The following KMT2C variants were observed in gnomAD, a reference collection of about 807,000 sequenced individuals.
KMT2C encodes the protein lysine methyltransferase 2C.
Under a neutral mutation model 507.9 loss-of-function variants are expected in KMT2C, and 88 were observed. The observed-to-expected ratio is 0.17, with a 90% CI of 0.15 to 0.21. The LOEUF (loss-of-function observed/expected upper bound fraction) is 0.21, where lower values mean the gene tolerates loss of function less well. KMT2C is among the 10% of genes least tolerant of loss of function. The pLI, the probability that KMT2C is intolerant of heterozygous loss-of-function variation, is 1.00. For missense variants in KMT2C, 4,954 were observed against 5,957.8 expected (o/e 0.83, Z 5.55); for synonymous variants, 2,049 against 2,080.8 (o/e 0.98, Z 0.42).
Position 152,288,342 on chromosome 7 carries a change from T to C in KMT2C, c.850-14475A>G, listed in dbSNP as rs552373086. ...TGAGGTGAGGAGTTCAAGACCAGCC[T>C]GGCCAACATGGCAAAACCCTGTCTC... On this transcript the variant is annotated intron_variant, in intron 6 of 58. Coordinates refer to ENST00000262189, the MANE Select transcript of KMT2C (RefSeq NM_170606.3). Among the ~76,000 whole-genome samples, 3 of 151,434 alleles carry C rather than the reference T, an allele frequency of 2.0e-5. No homozygotes were observed. In the South Asian group the frequency reaches 6.3e-4, roughly 32 times the overall value.
intron 3 of KMT2C, 50 bp downstream of exon 3, chr7:152,330,551 T>C (rs2096873109): frequency 6.4e-7 from 1 of 1,561,672 alleles, no homozygotes; most frequent in African/African-American, 1.4e-5. Flanking sequence ...GTCATTTCAC[T>C]GCTTTATTCC....
chr7:152,318,762 T>C (rs1159494414), intron 3 of KMT2C, among the ~76,000 whole-genome samples: 1 of 151,886 alleles, frequency 6.6e-6, no homozygotes, highest in Non-Finnish European at 1.5e-5. Flanking sequence ...AAAAGGAAGT[T>C]TGAGTGGCAA....
Position 152,181,786 on chromosome 7 carries a change from G to A in KMT2C, c.6074C>T (p.Ser2025Leu), listed in dbSNP as rs1483929906. Residue 2025 changes from serine to leucine, a missense_variant, in exon 36 of 59, where the codon TCA becomes TTA. Ser to Leu is a moderately radical substitution (Grantham distance 145). This residue lies in a region of KMT2C where 1,689 missense variants were observed against 1,654.3 expected (regional missense o/e 1.02). Coordinates refer to ENST00000262189, the MANE Select transcript of KMT2C (RefSeq NM_170606.3). The part of the protein sequence containing the change: ...DVFQRQRIPD[S>L]YARPLLTPAP... ...AGGTGTCAACAAGGGTCGTGCATAT[G>A]AGTCAGGTATCCTTTGTCTTTGAAA... 1.2e-6 allele frequency: 2 copies of A among 1,614,148 alleles called. No individual in the cohort carries two copies. Among genetic ancestry groups the A allele is most frequent in the South Asian group, 2.2e-5 (2 of 91,068 alleles).
chr7:152,421,752 G>C (rs2097778467), intron 1 of KMT2C, among the ~76,000 whole-genome samples: 1 of 152,162 alleles, frequency 6.6e-6, no homozygotes, highest in Non-Finnish European at 1.5e-5. Flanking sequence ...AGGCTGGGAG[G>C]AAGTTGAGGA....
intron 1 of KMT2C, among the ~76,000 whole-genome samples, chr7:152,384,910 G>A (rs2116498341): frequency 6.6e-6 from 1 of 152,402 alleles, no homozygotes; most frequent in African/African-American, 2.4e-5. Context: ...AAATGAAGGA[G>A]TAACACAACT....
At chr7:152,232,246 GACT>G (rs750203106) in intron 16 of KMT2C, among the ~76,000 whole-genome samples, 2 of 152,178 alleles carry the variant, frequency 1.3e-5, no homozygotes, top group Non-Finnish European at 2.9e-5. Flanking sequence ...GAACCCTAAT[GACT>G]ACAAGTGTTA....
intron 6 of KMT2C, among the ~76,000 whole-genome samples, chr7:152,300,562 T>C (rs1352470635): frequency 1.3e-5 from 2 of 152,224 alleles, no homozygotes; most frequent in African/African-American, 4.8e-5. Flanking sequence ...TACATGGATT[T>C]TTCCAGACTC....
rs35751147 is a variant in KMT2C at position 152,215,513 on chromosome 7, C to CAAA, written c.3712+5007_3712+5009dup. Among the ~76,000 whole-genome samples, 61 of 25,956 alleles carry CAAA rather than the reference C, an allele frequency of 2.4e-3. 4 individuals carry two copies. Among genetic ancestry groups the CAAA allele is most frequent in the Non-Finnish European group, 3.0e-3 (38 of 12,728 alleles). 17.0% of individuals were successfully genotyped at this position (25,956 alleles called of 152,430 possible). ...TGGGCGACACAGCAAGACTCTGTCTCAAAAAAAAAAAAAAAAAAAAAAAAA... is the reference window on the plus strand; with the variant it reads ...TGGGCGACACAGCAAGACTCTGTCTCAAAAAAAAAAAAAAAAAAAAAAAAAAAA... On this transcript the variant is annotated intron_variant, in intron 23 of 58. Transcript: ENST00000262189.
chr7:152,177,664 G>A lies in KMT2C; in HGVS notation c.7789C>T (p.Pro2597Ser), dbSNP rs2129115191. 6.2e-7 allele frequency: 1 copy of A among 1,614,128 alleles called. No individual in the cohort carries two copies. The highest frequency in any genetic ancestry group is 1.3e-5 in the African/African-American group (1 of 75,026). ...GTGTGTCTAGGGCCCGGAAAGTCTGGCCGGGGAATGAAGTTTCCATGTCTC... is the reference window on the plus strand; with the variant it reads ...GTGTGTCTAGGGCCCGGAAAGTCTGACCGGGGAATGAAGTTTCCATGTCTC... ...NLRHGNFIPRPDFPGPRHTDP... is the reference protein window; with the variant it reads ...NLRHGNFIPRSDFPGPRHTDP... Residue 2597 changes from proline (P) to serine (S), a missense_variant, in exon 38 of 59, where the codon CCA becomes TCA. Pro to Ser is a moderately conservative substitution (Grantham distance 74). Around this residue, in one of 29 missense-constraint regions of KMT2C, gnomAD observed 1,689 missense variants for 1,654.3 expected, o/e 1.02. Coordinates refer to ENST00000262189, the MANE Select transcript of KMT2C (RefSeq NM_170606.3).
intron 9 of KMT2C, among the ~76,000 whole-genome samples, chr7:152,260,688 C>A (rs1443934684): frequency 5.3e-5 from 8 of 152,172 alleles, no homozygotes; most frequent in African/African-American, 1.9e-4. Context: ...GTGCCAAGTT[C>A]TTATAGCCTA....
At chr7:152,338,457 A>G (rs76770632) in intron 2 of KMT2C, among the ~76,000 whole-genome samples, 5,015 of 152,298 alleles carry the variant, frequency 0.033, 119 homozygotes, top group Non-Finnish European at 0.053. Context: ...TGGTAAGCAC[A>G]TGGCATGATG....
intron 3 of KMT2C, among the ~76,000 whole-genome samples, chr7:152,319,291 T>C (rs887277260): frequency 6.6e-6 from 1 of 152,186 alleles, no homozygotes; most frequent in South Asian, 2.1e-4. Flanking sequence ...CATTAGTTTG[T>C]AGCAATTACT....
intron 34 of KMT2C, among the ~76,000 whole-genome samples, chr7:152,183,541 C>T (rs1403676009): frequency 6.6e-6 from 1 of 152,044 alleles, no homozygotes; most frequent in Non-Finnish European, 1.5e-5. Context: ...GCGGGTGGAT[C>T]ACCTGACGTC....
chr7:152,324,305 T>C (rs2096803768), intron 3 of KMT2C, among the ~76,000 whole-genome samples: 1 of 151,278 alleles, frequency 6.6e-6, no homozygotes, highest in African/African-American at 2.4e-5. Context: ...CAATCACTTT[T>C]GCACCAACTT....
chr7:152,180,874 C>T lies in KMT2C; in HGVS notation c.6986G>A (p.Gly2329Glu), dbSNP rs779376220. Residue 2329 changes from glycine (G) to glutamate (E), a missense_variant, in exon 36 of 59, where the codon GGA (glycine) becomes GAA (glutamate). Gly to Glu is a moderately conservative substitution (Grantham distance 98). This residue lies in a region of KMT2C where 1,689 missense variants were observed against 1,654.3 expected (regional missense o/e 1.02). Transcript: ENST00000262189. ...AHDVADQPRP[G>E]SEGSFCASSN... ...AGATGCACAGAAGCTCCCCTCTGAT[C>T]CAGGCCTTGGCTGATCAGCAACATC... The T allele has an allele frequency of 1.2e-6, 2 of 1,614,152 alleles. No homozygotes were observed. The highest frequency in any genetic ancestry group is 8.5e-7 in the Non-Finnish European group (1 of 1,180,022).
chr7:152,431,008 G>C (rs1172609479), intron 1 of KMT2C, among the ~76,000 whole-genome samples: 1 of 152,202 alleles, frequency 6.6e-6, no homozygotes, highest in African/African-American at 2.4e-5. Flanking sequence ...TTGCGGAACA[G>C]AGGAATGAGA....
At chr7:152,354,534 A>G (rs2097137848) in intron 2 of KMT2C, among the ~76,000 whole-genome samples, 1 of 152,226 alleles carries the variant, frequency 6.6e-6, no homozygotes. Flanking sequence ...ACTAGGAGAA[A>G]AATAAAGCAG....
chr7:152,187,669 CAG>C (rs1166712126), intron 32 of KMT2C, 44 bp downstream of exon 32: 1 of 1,585,132 alleles, frequency 6.3e-7, no homozygotes, highest in African/African-American at 1.4e-5. Flanking sequence ...ATAAATCAAA[CAG>C]AAATTAGTGC....
rs555516496 is a variant in KMT2C at position 152,312,199 on chromosome 7, T to C, written c.591-253A>G. 2.5e-5 allele frequency: 7 copies of C among 277,714 alleles called. No individual in the cohort carries two copies. The East Asian group carries it at 4.4e-4, about 17-fold the overall frequency. The allele number at this position is 277,714 out of a possible 1,614,324, so 17.2% of individuals were successfully genotyped here. ...CACAGGGAAGTATTAAATTGTAAAT[T>C]TGTTTTTCCATTCCATAATATAATG... On this transcript the variant is annotated intron_variant, in intron 4 of 58. Transcript: ENST00000262189.
Sources: gnomAD v4.1 joint callset for allele counts (sites outside exome capture counted in the v4.1 genomes callset) on GRCh38, gnomAD v4.1.1 for gene constraint, gnomAD v4.1.1 regional missense constraint, MANE v1.5 for transcripts, NCBI Gene and HGNC (gene_info 2026-07-23, HGNC 2026-07-21) for gene names.